Variants in ABCA12 observed in about 807,000 individuals in gnomAD.
The protein encoded by ABCA12 is glucosylceramide transporter ABCA12.
A neutral mutation model predicts 293.5 loss-of-function variants in ABCA12; 156 were observed. The observed-to-expected ratio is 0.53, with a 90% CI of 0.47 to 0.61. ABCA12 has a LOEUF of 0.61. Among genes scored for constraint, ABCA12 ranks in the 20% least tolerant of loss-of-function variants. ABCA12 has a pLI of 0.00. For synonymous variants in ABCA12, 1,063 were observed against 1,108.0 expected, an observed-to-expected ratio of 0.96 and a Z score of 0.81; for missense variants, 2,797 against 3,090.2, an observed-to-expected ratio of 0.91 and a Z score of 2.25.
At chr2:215,132,754 G>T (rs116433896) in intron 1 of ABCA12, among the ~76,000 whole-genome samples, 2 of 151,990 alleles carry the variant, frequency 1.3e-5, no homozygotes, top group African/African-American at 4.8e-5. Context: ...ATGTTGATAC[G>T]TGAGATTTTG....
intron 10 of ABCA12, 85 bp from the exon 11 acceptor site, chr2:215,025,864 T>G (rs1253661738): frequency 2.2e-6 from 2 of 896,254 alleles, no homozygotes; most frequent in Non-Finnish European, 3.6e-6. Flanking sequence ...TATCCTGACT[T>G]ATTACTAAAT....
intron 29 of ABCA12, among the ~76,000 whole-genome samples, chr2:214,983,414 C>T (rs568329381): frequency 2.0e-4 from 31 of 152,124 alleles, no homozygotes; most frequent in African/African-American, 3.9e-4. Context: ...GCAAAGGATT[C>T]GGGGCAATAT....
intron 37 of ABCA12, 39 bp from the exon 38 acceptor site, chr2:214,968,846 A>T: frequency 6.3e-7 from 1 of 1,575,300 alleles, no homozygotes. Context: ...GGTTTAGTGG[A>T]GAAAATCTTC....
chr2:215,009,627 G>C (rs992206391), intron 18 of ABCA12, among the ~76,000 whole-genome samples: 1 of 152,032 alleles, frequency 6.6e-6, no homozygotes, highest in African/African-American at 2.4e-5. Flanking sequence ...AATATTCTTT[G>C]ATAATAATGA....
chr2:215,084,955 A>G (rs897914989), intron 2 of ABCA12, among the ~76,000 whole-genome samples: 4 of 151,836 alleles, frequency 2.6e-5, no homozygotes, highest in African/African-American at 7.3e-5. Flanking sequence ...TTAGCTGGGC[A>G]TGGTGGCACA....
chr2:215,082,178 G>T (rs1333580039), intron 2 of ABCA12, among the ~76,000 whole-genome samples: 1 of 150,304 alleles, frequency 6.7e-6, no homozygotes, highest in Non-Finnish European at 1.5e-5. Context: ...CGGAGTAGCT[G>T]GGATTACAGG....
chr2:214,973,897 G>A lies in ABCA12; in HGVS notation c.5562+52C>T, dbSNP rs577099574. 21 of 1,459,454 alleles carry A rather than the reference G, an allele frequency of 1.4e-5. 1 individual carries two copies. The highest frequency in any genetic ancestry group is 3.5e-4 in the Middle Eastern group (2 of 5,760). The allele number at this position is 1,459,454 out of a possible 1,614,324, so 90.4% of individuals were successfully genotyped here. On this transcript the variant is annotated intron_variant, in intron 36 of 52. Coordinates refer to ENST00000272895, the MANE Select transcript of ABCA12 (RefSeq NM_173076.3). ...ACCTAGAGAGATCTTTCGAGCTTTCGATATTTATTCCCGTATTTTTCCCAT... is the reference window on the plus strand; with the variant it reads ...ACCTAGAGAGATCTTTCGAGCTTTCAATATTTATTCCCGTATTTTTCCCAT...
chr2:214,984,120 G>A lies in ABCA12; in HGVS notation c.4164-255C>T, dbSNP rs1189188276. On this transcript the variant is annotated intron_variant, in intron 28 of 52. Coordinates refer to ENST00000272895, the MANE Select transcript of ABCA12 (RefSeq NM_173076.3). Reference sequence around the variant, plus strand: ...TTTTTTTTTTTTTTTTTTTTGAGACGTAGTCTCACTCTGTCGCCCAGGCTG... The same window carrying A: ...TTTTTTTTTTTTTTTTTTTTGAGACATAGTCTCACTCTGTCGCCCAGGCTG... 3.1e-3 allele frequency among the ~76,000 whole-genome samples: 99 copies of A among 31,818 alleles called. 1 individual carries two copies. Among genetic ancestry groups the A allele is most frequent in the African/African-American group, 0.011 (93 of 8,322 alleles). The allele number at this position is 31,818 out of a possible 152,430, so 20.9% of individuals were successfully genotyped here.
intron 2 of ABCA12, among the ~76,000 whole-genome samples, chr2:215,092,009 G>T (rs981532682): frequency 1.3e-5 from 2 of 152,154 alleles, no homozygotes; most frequent in Non-Finnish European, 1.5e-5. Flanking sequence ...TGGAATGCTG[G>T]CCCAAAGCTC....
intron 10 of ABCA12, 80 bp from the exon 11 acceptor site, chr2:215,025,859 T>C: frequency 1.1e-6 from 1 of 935,432 alleles, no homozygotes; most frequent in Non-Finnish European, 1.7e-6. Flanking sequence ...ACCTCTATCC[T>C]GACTTATTAC....
chr2:215,022,865 T>C (rs1700660126), intron 11 of ABCA12: 1 of 152,180 alleles, frequency 6.6e-6, no homozygotes, highest in African/African-American at 2.4e-5. Flanking sequence ...AAAAATATTG[T>C]GTTATTTGTA....
chr2:215,003,927 C>T (rs778412374), intron 20 of ABCA12, among the ~76,000 whole-genome samples: 11 of 152,122 alleles, frequency 7.2e-5, no homozygotes, highest in Admixed American at 2.6e-4. Context: ...GTCTGCCTCC[C>T]GAAGTGCTGG....
At chr2:214,999,513 T>C (rs1700099170) in intron 22 of ABCA12, among the ~76,000 whole-genome samples, 1 of 152,202 alleles carries the variant, frequency 6.6e-6, no homozygotes, top group African/African-American at 2.4e-5. Context: ...TCACTTTATA[T>C]GCAACAGTGT....
At chr2:215,092,566 A>G (rs1380996439) in intron 2 of ABCA12, among the ~76,000 whole-genome samples, 2 of 151,982 alleles carry the variant, frequency 1.3e-5, no homozygotes, top group Admixed American at 6.6e-5. Context: ...ACCCCACTCA[A>G]TGCTAATACC....
intron 1 of ABCA12, among the ~76,000 whole-genome samples, chr2:215,127,542 T>C (rs1417052200): frequency 3.9e-5 from 6 of 152,224 alleles, no homozygotes; most frequent in Non-Finnish European, 8.8e-5. Flanking sequence ...TACCATTATA[T>C]AATGTCCCTC....
At chr2:215,004,124 G>T in intron 20 of ABCA12, 85 bp downstream of exon 20, 1 of 1,187,010 alleles carries the variant, frequency 8.4e-7, no homozygotes, top group Non-Finnish European at 1.2e-6. Flanking sequence ...CAGGAGAAAA[G>T]GGGGGAAAAT....
At chr2:215,012,924 G>C (rs188378876) in intron 15 of ABCA12, 1 of 152,122 alleles carries the variant, frequency 6.6e-6, no homozygotes, top group South Asian at 2.1e-4. Context: ...AAATAAAACT[G>C]TCAAAAGGCT....
At chr2:215,063,053 T>G (rs1414510478) in intron 3 of ABCA12, among the ~76,000 whole-genome samples, 1 of 151,976 alleles carries the variant, frequency 6.6e-6, no homozygotes, top group African/African-American at 2.4e-5. Flanking sequence ...GAACATCAGA[T>G]TCTTTTAAGC....
Position 215,015,882 on chromosome 2 carries a change from C to T in ABCA12, c.1783-219G>A, listed in dbSNP as rs370456213. Among the ~76,000 whole-genome samples the T allele has an allele frequency of 1.8e-3, 274 of 152,252 alleles. 1 individual carries two copies. Among genetic ancestry groups the T allele is most frequent in the African/African-American group, 5.9e-3 (247 of 41,568 alleles). ...ATGGGAGGCCGGGCGCGGTGGCTCA[C>T]GCCTGTAATCCCAGCACTTTGGGAG... On this transcript the variant is annotated intron_variant, in intron 14 of 52. Coordinates refer to ENST00000272895, the MANE Select transcript of ABCA12 (RefSeq NM_173076.3).
Sources: allele counts gnomAD v4.1 joint callset (sites outside exome capture counted in the v4.1 genomes callset), GRCh38; gene constraint gnomAD v4.1.1; transcripts MANE v1.5; gene names NCBI Gene and HGNC (gene_info 2026-07-23, HGNC 2026-07-21).